Variants in SYTL3 observed in about 807,000 individuals in gnomAD.
SYTL3 encodes the protein synaptotagmin-like protein 3.
In SYTL3, 88 loss-of-function variants were observed where a neutral mutation model predicts 82.1. The ratio of observed to expected loss-of-function variants is 1.07; its 90% CI spans 0.90 to 1.28. The LOEUF (loss-of-function observed/expected upper bound fraction) is 1.28. Ranked by LOEUF, SYTL3 falls within the 50% of genes most tolerant of loss-of-function variation. The pLI, the probability that SYTL3 is intolerant of heterozygous loss-of-function variation, is 0.00. For synonymous variants in SYTL3, 311 were observed against 289.4 expected (o/e 1.07, Z -0.76); for missense variants, 831 against 757.6 (o/e 1.10, Z -1.14).
intron 5 of SYTL3, among the ~76,000 whole-genome samples, chr6:158,669,003 G>C (rs1777059526): frequency 6.6e-6 from 1 of 152,152 alleles, no homozygotes; most frequent in African/African-American, 2.4e-5. Flanking sequence ...GATCAGAAGA[G>C]GGTGACTTGG....
intron 5 of SYTL3, among the ~76,000 whole-genome samples, chr6:158,676,662 A>C (rs1324937979): frequency 6.6e-6 from 1 of 152,244 alleles, no homozygotes; most frequent in Non-Finnish European, 1.5e-5. Context: ...CTCATCTGAC[A>C]AAGGGCTAAT....
intron 1 of SYTL3, among the ~76,000 whole-genome samples, chr6:158,650,777 TA>T (rs11464035): frequency 2.6e-3 from 366 of 138,188 alleles, no homozygotes; most frequent in Middle Eastern, 0.011. Flanking sequence ...ACCCCATCTC[TA>T]AAAAAAAAAA....
intron 12 of SYTL3, among the ~76,000 whole-genome samples, chr6:158,747,569 C>T (rs556830247): frequency 6.6e-6 from 1 of 152,322 alleles, no homozygotes; most frequent in South Asian, 2.1e-4. Context: ...CCTGCCTCAG[C>T]CTCCTGAGTA....
chr6:158,761,987 T>C (rs1428839099), intron 15 of SYTL3, 89 bp from the exon 16 acceptor site: 1 of 896,614 alleles, frequency 1.1e-6, no homozygotes, highest in East Asian at 2.4e-5. Context: ...GCAGATTCTC[T>C]AGCTGAGCTC....
At chr6:158,718,235 C>T in intron 10 of SYTL3, 24 bp downstream of exon 10, 1 of 1,481,308 alleles carries the variant, frequency 6.8e-7, no homozygotes, top group Admixed American at 2.4e-5. Context: ...CACAAGGCCT[C>T]CACGCTGATC....
rs74966152 is a variant in SYTL3 at position 158,709,577 on chromosome 6, G to C, written c.516+1186G>C. 3.8e-4 allele frequency among the ~76,000 whole-genome samples: 58 copies of C among 152,106 alleles called. No individual in the cohort carries two copies. The East Asian group carries it at 7.3e-3, about 19-fold the overall frequency. On this transcript the variant is annotated intron_variant, in intron 8 of 17. Coordinates refer to ENST00000611299, the MANE Select transcript of SYTL3 (RefSeq NM_001242394.2). ...CAAAATAATGTCTGTGTTGGTACTTGGAAAACCGTAAAGTGCCATGGAAAT... is the reference window on the plus strand; with the variant it reads ...CAAAATAATGTCTGTGTTGGTACTTCGAAAACCGTAAAGTGCCATGGAAAT...
Position 158,729,716 on chromosome 6 carries a change from G to A in SYTL3, c.855+4079G>A, listed in dbSNP as rs189549296. ...TGAGTAGCTGGGACTACAGGCGCCC[G>A]CCACCACGCCCGGCTAATCTTTTGT... On this transcript the variant is annotated intron_variant, in intron 11 of 17. Coordinates refer to ENST00000611299, the MANE Select transcript of SYTL3 (RefSeq NM_001242394.2). Among the ~76,000 whole-genome samples the A allele has an allele frequency of 9.1e-3, 1,379 of 151,626 alleles. 12 individuals carry two copies. The highest frequency in any genetic ancestry group is 0.031 in the African/African-American group (1,269 of 41,382).
chr6:158,740,473 A>C (rs1242293434), intron 11 of SYTL3, among the ~76,000 whole-genome samples: 1 of 152,160 alleles, frequency 6.6e-6, no homozygotes, highest in Non-Finnish European at 1.5e-5. Flanking sequence ...CAGTATCAGG[A>C]TCACCCATGA....
chr6:158,748,237 AAAG>A (rs1787920450), intron 12 of SYTL3, among the ~76,000 whole-genome samples: 1 of 152,192 alleles, frequency 6.6e-6, no homozygotes, highest in Admixed American at 6.6e-5. Flanking sequence ...GATGATGGGA[AAAG>A]AAATCAATTG....
intron 10 of SYTL3, 119 bp downstream of exon 10, chr6:158,718,330 C>A: frequency 8.3e-7 from 1 of 1,199,820 alleles, no homozygotes. Flanking sequence ...AACAGTAAGC[C>A]ATCAGAAAAA....
Position 158,725,721 on chromosome 6 carries a change from T to G in SYTL3, c.855+84T>G, listed in dbSNP as rs1007292316. 21 of 1,516,068 alleles carry G rather than the reference T, an allele frequency of 1.4e-5. No individual in the cohort carries two copies. The Middle Eastern group carries it at 1.1e-3, about 76-fold the overall frequency. The allele number at this position is 1,516,068 out of a possible 1,614,324, so 93.9% of individuals were successfully genotyped here. A position where few individuals can be genotyped will look rare whatever the true frequency, so the allele number is the denominator to read the frequency against. On this transcript the variant is annotated intron_variant, in intron 11 of 17. Coordinates refer to ENST00000611299, the MANE Select transcript of SYTL3 (RefSeq NM_001242394.2). ...ATAATGTACAAGTCCTTATTTCAATTACTCCTATTTGAAGGTCCTTATTTT... is the reference window on the plus strand; with the variant it reads ...ATAATGTACAAGTCCTTATTTCAATGACTCCTATTTGAAGGTCCTTATTTT...
intron 14 of SYTL3, 137 bp from the exon 15 acceptor site, chr6:158,760,503 G>C: frequency 1.5e-6 from 1 of 686,126 alleles, no homozygotes; most frequent in Non-Finnish European, 2.6e-6. Context: ...GTCCTGCCAC[G>C]GACACACCTG....
chr6:158,744,304 C>T (rs368493725), intron 11 of SYTL3, among the ~76,000 whole-genome samples: 181 of 99,084 alleles, frequency 1.8e-3, no homozygotes, highest in Middle Eastern at 7.8e-3. Context: ...CTTTTTCTTT[C>T]TTTTTTTTTT....
At chr6:158,715,288 G>A (rs74858172) in intron 9 of SYTL3, among the ~76,000 whole-genome samples, 14,011 of 152,054 alleles carry the variant, frequency 0.092, 793 homozygotes, top group African/African-American at 0.16. Flanking sequence ...TCAGTGCCTT[G>A]GAGTTAGCCC....
chr6:158,741,843 C>G (rs952602653), intron 11 of SYTL3, among the ~76,000 whole-genome samples: 1 of 152,212 alleles, frequency 6.6e-6, no homozygotes, highest in African/African-American at 2.4e-5. Flanking sequence ...CAAGGCTGAA[C>G]AATCATAGAA....
chr6:158,747,762 C>T (rs1787861368), intron 12 of SYTL3, among the ~76,000 whole-genome samples: 1 of 152,180 alleles, frequency 6.6e-6, no homozygotes, highest in Non-Finnish European at 1.5e-5. Context: ...TCTGGGATTA[C>T]AGCCATGAGC....
chr6:158,707,304 C>G (rs758541648), intron 7 of SYTL3, 23 bp downstream of exon 7: 1 of 1,612,640 alleles, frequency 6.2e-7, no homozygotes, highest in Non-Finnish European at 8.5e-7. Context: ...AAGGACAGAC[C>G]GTCCCTGGCC....
At chr6:158,685,952 A>T (rs567551090) in intron 6 of SYTL3, among the ~76,000 whole-genome samples, 2 of 152,322 alleles carry the variant, frequency 1.3e-5, no homozygotes, top group African/African-American at 4.8e-5. Context: ...GAAGTTTGTC[A>T]TTTCTCAATG....
chr6:158,670,029 A>T (rs112526462), intron 5 of SYTL3, among the ~76,000 whole-genome samples: 24 of 152,334 alleles, frequency 1.6e-4, no homozygotes, highest in African/African-American at 5.5e-4. Context: ...TTACAGGATG[A>T]TGCATTGTAT....
Sources: gnomAD v4.1 joint callset for allele counts (sites outside exome capture counted in the v4.1 genomes callset) on GRCh38, gnomAD v4.1.1 for gene constraint, MANE v1.5 for transcripts, NCBI Gene and HGNC (gene_info 2026-07-23, HGNC 2026-07-21) for gene names.